Variants in ALDH3A1 observed in about 807,000 individuals in gnomAD.
ALDH3A1 encodes the protein aldehyde dehydrogenase, dimeric NADP-preferring.
ALDH3A1 carries 46 observed loss-of-function variants against 49.9 expected under a neutral mutation model. The ratio of observed to expected loss-of-function variants is 0.92; its 90% CI spans 0.73 to 1.18. ALDH3A1 has a LOEUF of 1.18. ALDH3A1 is among the 50% of genes most tolerant of loss of function. The probability of loss-of-function intolerance (pLI) is 0.00; values close to 1 mark genes in which losing one functional copy is unlikely to be tolerated. For synonymous variants in ALDH3A1, 269 were observed against 253.3 expected, an observed-to-expected ratio of 1.06 and a Z score of -0.59; for missense variants, 592 against 611.8, an observed-to-expected ratio of 0.97 and a Z score of 0.34.
Position 19,743,846 on chromosome 17 carries a change from A to G in ALDH3A1, c.163-383T>C, listed in dbSNP as rs1263344613. 1.1e-5 allele frequency: 11 copies of G among 983,046 alleles called. No homozygotes were observed. In the African/African-American group the frequency reaches 1.8e-4, roughly 16 times the overall value. 60.9% of individuals were successfully genotyped at this position (983,046 alleles called of 1,614,324 possible). ...CCGGGGAGGGGGGATAGATTCGGGC[A>G]CTGGGAGCTGGATCCGGGCAGGGTG... On this transcript the variant is annotated intron_variant, in intron 2 of 10. Transcript: ENST00000225740. The surrounding 1 kb of genome is among the most constrained non-coding windows in gnomAD (Gnocchi z 4.4).
chr17:19,738,329 C>G lies in ALDH3A1; in HGVS notation c.1341G>C (p.Pro447=). 6.2e-7 allele frequency: 1 copy of G among 1,612,936 alleles called. No homozygotes were observed. The highest frequency in any genetic ancestry group is 8.5e-7 in the Non-Finnish European group (1 of 1,179,032). Residue 447 remains proline, a synonymous_variant, in exon 10 of 11, where the codon CCG becomes CCC. Coordinates refer to ENST00000225740, the MANE Select transcript of ALDH3A1 (RefSeq NM_000691.5). Reference sequence around the variant, plus strand: ...AGCGCCTTCCCCCTCTCACCTTGGCCGGGCTCGGGGGGTATCTGACCTTCA... The same window carrying G: ...AGCGCCTTCCCCCTCTCACCTTGGCGGGGCTCGGGGGGTATCTGACCTTCA... ...EGLKVRYPPS[P]AKMTQH is the part of the protein sequence containing the mutation.
intron 6 of ALDH3A1, among the ~76,000 whole-genome samples, 200 bp downstream of exon 6, chr17:19,740,893 T>C (rs758935802): frequency 1.1e-4 from 17 of 152,226 alleles, no homozygotes; most frequent in Non-Finnish European, 1.9e-4. Flanking sequence ...CTCAAACTTC[T>C]GGCCTCAAGT....
At chr17:19,744,554 G>A (rs1467527649) in intron 2 of ALDH3A1, 2 of 985,346 alleles carry the variant, frequency 2.0e-6, no homozygotes, top group Admixed American at 1.2e-4. Context: ...CTCAGGGTGA[G>A]GGACGGAACA....
intron 2 of ALDH3A1, chr17:19,744,379 G>C: frequency 3.1e-6 from 3 of 960,710 alleles, no homozygotes; most frequent in Non-Finnish European, 3.7e-6. Context: ...CTCCAGCCTG[G>C]GCGACAGAGC....
Position 19,741,953 on chromosome 17 carries a change from C to A in ALDH3A1, c.689+51G>T, listed in dbSNP as rs2086499618. The A allele has an allele frequency of 5.7e-6, 9 of 1,572,182 alleles. No individual in the cohort carries two copies. In the East Asian group the frequency reaches 2.0e-4, roughly 35 times the overall value. On this transcript the variant is annotated intron_variant, in intron 5 of 10. Transcript: ENST00000225740. ...ACAGCATGAGGTGCAGTCATGTGTG[C>A]TTGGAAAGCAGAGTAAGGACTGCTG...
chr17:19,744,983 G>T lies in ALDH3A1; in HGVS notation c.147C>A (p.Ala49=), dbSNP rs542345176. The T allele has an allele frequency of 9.5e-6, 15 of 1,580,080 alleles. No individual in the cohort carries two copies. Among genetic ancestry groups the T allele is most frequent in the East Asian group, 4.6e-5 (2 of 43,510 alleles). ...EQEQELVGAL[A]ADLHKNEWNA... is the part of the protein sequence containing the mutation. ...GCCTGAGCACCTTGTGCAGGTCTGC[G>T]GCCAGCGCGCCCACCAGCTCCTGCT... is the stretch of plus-strand genomic sequence containing the variant. Residue 49 remains alanine, a synonymous_variant, in exon 2 of 11, where the codon GCC becomes GCA. Transcript: ENST00000225740.
intron 1 of ALDH3A1, chr17:19,747,968 A>G (rs2086620827): frequency 5.5e-6 from 1 of 182,280 alleles, no homozygotes; most frequent in Non-Finnish European, 1.2e-5. Context: ...TGCCTTTAGC[A>G]CTCGGCTCTG....
At chr17:19,740,166 T>C in intron 7 of ALDH3A1, 170 bp downstream of exon 7, 1 of 758,212 alleles carries the variant, frequency 1.3e-6, no homozygotes, top group Non-Finnish European at 2.0e-6. Context: ...AAGCAGGGGC[T>C]GTCCTCAGCC....
chr17:19,740,615 A>G, intron 6 of ALDH3A1, 138 bp from the exon 7 acceptor site: 2 of 981,730 alleles, frequency 2.0e-6, no homozygotes, highest in Admixed American at 2.5e-5. Context: ...TATGCTTTTT[A>G]ATCTTTTCTA....
chr17:19,738,532 G>A (rs2152372900), intron 9 of ALDH3A1, 79 bp from the exon 10 acceptor site: 2 of 1,564,642 alleles, frequency 1.3e-6, no homozygotes, highest in Non-Finnish European at 1.7e-6. Context: ...CTTGTTGGGT[G>A]TATCCCAGAA....
chr17:19,739,588 G>A lies in ALDH3A1; in HGVS notation c.1036C>T (p.Arg346Cys), dbSNP rs781418978. ...FGPVLPIVCVRSLEEAIQFIN... is the reference protein window; with the variant it reads ...FGPVLPIVCVCSLEEAIQFIN... The stretch of plus-strand genomic sequence containing the variant: ...AACTGGATGGCCTCCTCCAGGCTGC[G>A]CACGCACACGATGGGCAGCACAGGC... The change falls in exon 8 of 11, where the codon CGC (arginine) becomes TGC (cysteine). Residue 346 changes from arginine (R) to cysteine (C), a missense_variant. Coordinates refer to ENST00000225740, the MANE Select transcript of ALDH3A1 (RefSeq NM_000691.5). The A allele has an allele frequency of 3.6e-5, 58 of 1,613,702 alleles. No individual in the cohort carries two copies. The Middle Eastern group carries it at 4.9e-4, about 14-fold the overall frequency.
At chr17:19,742,510 G>A (rs1353375895) in intron 4 of ALDH3A1, 35 bp downstream of exon 4, 8 of 1,599,554 alleles carry the variant, frequency 5.0e-6, no homozygotes, top group African/African-American at 1.3e-5. Context: ...CAGTTATGAG[G>A]CCATGGAGTT....
intron 2 of ALDH3A1, 68 bp downstream of exon 2, chr17:19,744,900 A>AGG: frequency 7.4e-6 from 2 of 270,610 alleles, no homozygotes; most frequent in Non-Finnish European, 1.1e-5. Flanking sequence ...CACTCTCCCC[A>AGG]GCCCCTCCCC....
chr17:19,741,853 C>T, intron 5 of ALDH3A1, 151 bp downstream of exon 5: 1 of 781,258 alleles, frequency 1.3e-6, no homozygotes. Context: ...GTCCCCACCC[C>T]TACCCCCATG....
chr17:19,741,530 G>A (rs536610150), intron 5 of ALDH3A1, among the ~76,000 whole-genome samples: 5 of 152,320 alleles, frequency 3.3e-5, no homozygotes, highest in South Asian at 2.1e-4. Flanking sequence ...GGCCACAGAT[G>A]TGGGATATGG....
In ALDH3A1 at chr17:19,743,700, GAGAGA is replaced by G. The variant is rs2086546227; in HGVS notation, c.163-242_163-238del. 1 of 985,322 alleles carries G rather than the reference GAGAGA, an allele frequency of 1.0e-6. No homozygotes were observed. The highest frequency in any genetic ancestry group is 1.7e-5 in the African/African-American group (1 of 57,338). 61.0% of individuals were successfully genotyped at this position (985,322 alleles called of 1,614,324 possible). A position where few individuals can be genotyped will look rare whatever the true frequency, so the allele number is the denominator to read the frequency against. On this transcript the variant is annotated intron_variant, in intron 2 of 10. Coordinates refer to ENST00000225740, the MANE Select transcript of ALDH3A1 (RefSeq NM_000691.5). This position sits in a 1 kb window ranked among gnomAD's most constrained non-coding sequence, Gnocchi z 4.4. ...CCCAGGTAGGTTTGCGGCCCCAGGG[GAGAGA>G]GCCGGTGAAGGGACCAGGCATGGGC...
chr17:19,743,893 T>C lies in ALDH3A1; in HGVS notation c.163-430A>G. On this transcript the variant is annotated intron_variant, in intron 2 of 10. Transcript: ENST00000225740. The surrounding 1 kb of genome is among the most constrained non-coding windows in gnomAD (Gnocchi z 4.4). ...GGTGGAGGGAGCCAGGCCCTTTAGT[T>C]GTCTGGAGGGGGATGCAGGACCAAG... The C allele has an allele frequency of 1.0e-6, 1 of 983,612 alleles. No homozygotes were observed. Among genetic ancestry groups the C allele is most frequent in the Non-Finnish European group, 1.2e-6 (1 of 829,402 alleles). The allele number at this position is 983,612 out of a possible 1,614,324, so 60.9% of individuals were successfully genotyped here. A position where few individuals can be genotyped will look rare whatever the true frequency, so the allele number is the denominator to read the frequency against.
Position 19,740,401 on chromosome 17 carries a change from A to C in ALDH3A1, c.884T>G (p.Met295Arg). 1 of 1,614,142 alleles carries C rather than the reference A, an allele frequency of 6.2e-7. No homozygotes were observed. Among genetic ancestry groups the C allele is most frequent in the Non-Finnish European group, 8.5e-7 (1 of 1,180,028 alleles). ...IISARHFQRV[M>R]GLIEGQKVAY... is the part of the protein sequence containing the mutation. ...CACCTTCTGGCCCTCAATCAGGCCC[A>C]TCACCCTCTGGAAGTGCCGGGCACT... The change falls in exon 7 of 11, where the codon ATG becomes AGG. Residue 295 changes from methionine (M) to arginine (R), a missense_variant. Transcript: ENST00000225740.
Position 19,742,080 on chromosome 17 carries a change from T to C in ALDH3A1, c.613A>G (p.Thr205Ala), listed in dbSNP as rs2086503537. The change falls in exon 5 of 11, where the codon ACC becomes GCC. Residue 205 changes from threonine to alanine, a missense_variant. Transcript: ENST00000225740. ...IIMTAAAKHL[T>A]PVTLELGGKS... ...CCTCCCAGCTCCAGCGTGACAGGGGTCAGGTGCTTGGCAGCAGCCGTCATG... is the reference window on the plus strand; with the variant it reads ...CCTCCCAGCTCCAGCGTGACAGGGGCCAGGTGCTTGGCAGCAGCCGTCATG... 7.4e-6 allele frequency: 12 copies of C among 1,613,590 alleles called. No homozygotes were observed. The highest frequency in any genetic ancestry group is 1.0e-5 in the Non-Finnish European group (12 of 1,179,976).
Sources: gnomAD v4.1 joint callset for allele counts (sites outside exome capture counted in the v4.1 genomes callset) on GRCh38, gnomAD v4.1.1 for gene constraint, Gnocchi (gnomAD v3.1) non-coding constraint, MANE v1.5 for transcripts, NCBI Gene and HGNC (gene_info 2026-07-23, HGNC 2026-07-21) for gene names.